The following SLC27A1 variants were observed in gnomAD, a reference collection of about 807,000 sequenced individuals.
The protein encoded by SLC27A1 is solute carrier family 27 member 1.
SLC27A1 carries 61 observed loss-of-function variants against 62.2 expected under a neutral mutation model. That is an observed-to-expected ratio of 0.98 (90% confidence interval 0.80 to 1.21). The LOEUF is 1.21. Ranked by LOEUF, SLC27A1 falls within the 50% of genes most tolerant of loss-of-function variation. SLC27A1 has a pLI of 0.00. For synonymous variants in SLC27A1, 435 were observed against 408.6 expected (o/e 1.06, Z -0.78); for missense variants, 903 against 932.1 (o/e 0.97, Z 0.41).
intron 1 of SLC27A1, among the ~76,000 whole-genome samples, chr19:17,483,087 AAGGAGGGAATGAATGAATGAG>A (rs1599648168): frequency 1.3e-5 from 2 of 152,278 alleles, no homozygotes; most frequent in African/African-American, 2.4e-5. Flanking sequence ...TGAATGAGGG[AAGGAGGGAATGAATGAATGAG>A]GGAATGAGGG....
intron 1 of SLC27A1, among the ~76,000 whole-genome samples, chr19:17,477,976 A>C (rs1330592881): frequency 1.3e-5 from 2 of 152,092 alleles, no homozygotes; most frequent in Non-Finnish European, 2.9e-5. Flanking sequence ...GGCCTCCCAG[A>C]GTGCTGGAAT....
At position 17,497,373 on chromosome 19, in the gene SLC27A1, A is replaced by G; in HGVS notation, c.1115A>G (p.Glu372Gly). The change falls in exon 7 of 12, where the codon GAG becomes GGG. Residue 372 changes from glutamate (E) to glycine (G), a missense_variant. Coordinates refer to ENST00000252595, the MANE Select transcript of SLC27A1 (RefSeq NM_198580.3). ...AACGGGCTGCGTCCTGCCATCTGGG[A>G]GGAGTTCACGGAGCGCTTCGGCGTA... ...VGNGLRPAIWEEFTERFGVRQ... is the reference protein window; with the variant it reads ...VGNGLRPAIWGEFTERFGVRQ... 6.2e-7 allele frequency: 1 copy of G among 1,602,806 alleles called. No homozygotes were observed. Among genetic ancestry groups the G allele is most frequent in the African/African-American group, 1.4e-5 (1 of 74,042 alleles).
intron 6 of SLC27A1, chr19:17,496,033 GGA>G (rs1347731849): frequency 6.5e-6 from 1 of 153,492 alleles, no homozygotes; most frequent in South Asian, 2.0e-4. Context: ...GGAGATGGAG[GGA>G]GAGGAGGCAG....
Position 17,500,799 on chromosome 19 carries a change from C to G in SLC27A1, c.1559C>G (p.Ser520Cys), listed in dbSNP as rs752637196. The G allele has an allele frequency of 8.7e-6, 14 of 1,612,510 alleles. No individual in the cohort carries two copies. Among genetic ancestry groups the G allele is most frequent in the Non-Finnish European group, 1.1e-5 (13 of 1,179,652 alleles). The change falls in exon 10 of 12, where the codon TCC becomes TGC. Residue 520 changes from serine to cysteine, a missense_variant. By Grantham distance (112) the Ser-to-Cys change is moderately radical. Coordinates refer to ENST00000252595, the MANE Select transcript of SLC27A1 (RefSeq NM_198580.3). The part of the protein sequence containing the change: ...DTFRWRGENV[S>C]TTEVEGVLSR... ...TTCCGCTGGCGAGGGGAGAACGTCTCCACCACCGAGGTGGAGGGCGTGCTG... is the reference window on the plus strand; with the variant it reads ...TTCCGCTGGCGAGGGGAGAACGTCTGCACCACCGAGGTGGAGGGCGTGCTG...
Position 17,504,577 on chromosome 19 carries a change from T to C in SLC27A1, c.1906T>C (p.Tyr636His). The change falls in exon 12 of 12, where the codon TAC becomes CAC. Residue 636 changes from tyrosine (Y) to histidine (H), a missense_variant. Physicochemically the swap from Tyr to His is moderately conservative, Grantham distance 83. Transcript: ENST00000252595. ...CTACCTGCCCTTAAATGAGGCAGTC[T>C]ACACTCGCATCTGCTCGGGCGCCTT... ...GHYLPLNEAV[Y>H]TRICSGAFAL 1.2e-6 allele frequency: 2 copies of C among 1,614,208 alleles called. No individual in the cohort carries two copies. The highest frequency in any genetic ancestry group is 1.7e-6 in the Non-Finnish European group (2 of 1,180,044).
rs182010003 is a variant in SLC27A1 at position 17,501,914 on chromosome 19, C to A, written c.1783+495C>A. 8.6e-3 allele frequency among the ~76,000 whole-genome samples: 1,309 copies of A among 151,592 alleles called. 7 individuals carry two copies. The highest frequency in any genetic ancestry group is 0.024 in the Middle Eastern group (7 of 290). ...ATCACCTGAGGTCAGGAGTTCGAGA[C>A]CAGCCTGGCCAACATGGTGAAACTG... On this transcript the variant is annotated intron_variant, in intron 11 of 11. Coordinates refer to ENST00000252595, the MANE Select transcript of SLC27A1 (RefSeq NM_198580.3).
chr19:17,488,679 C>A (rs1209996226), intron 4 of SLC27A1, 169 bp from the exon 5 acceptor site: 1 of 639,852 alleles, frequency 1.6e-6, no homozygotes, highest in East Asian at 2.7e-5. Flanking sequence ...CTCGTGACAC[C>A]TAACACCACC....
chr19:17,472,692 A>G (rs541315718), intron 1 of SLC27A1, among the ~76,000 whole-genome samples: 2 of 151,908 alleles, frequency 1.3e-5, no homozygotes, highest in African/African-American at 4.8e-5. Context: ...ATGCCCAGCT[A>G]ATTTTTGTAA....
At chr19:17,492,110 G>A (rs763696638) in intron 6 of SLC27A1, among the ~76,000 whole-genome samples, 1 of 152,130 alleles carries the variant, frequency 6.6e-6, no homozygotes, top group Non-Finnish European at 1.5e-5. Context: ...CCAGATGCCA[G>A]TAGCAGTCCC....
At chr19:17,489,225 A>G in intron 6 of SLC27A1, 108 bp downstream of exon 6, 3 of 874,076 alleles carry the variant, frequency 3.4e-6, no homozygotes, top group East Asian at 2.6e-5. Context: ...CTCCCAGCAA[A>G]GCCCCACCTC....
At chr19:17,478,459 T>C (rs1402085115) in intron 1 of SLC27A1, among the ~76,000 whole-genome samples, 1 of 95,770 alleles carries the variant, frequency 1.0e-5, no homozygotes, top group African/African-American at 4.2e-5. Context: ...AGAGCAAGAC[T>C]CCGTCTCAAA....
chr19:17,475,471 G>C (rs2075113736), intron 1 of SLC27A1, among the ~76,000 whole-genome samples: 1 of 152,100 alleles, frequency 6.6e-6, no homozygotes, highest in Admixed American at 6.6e-5. Flanking sequence ...GGAGGTCAAG[G>C]CTGCAGTGAG....
intron 1 of SLC27A1, among the ~76,000 whole-genome samples, chr19:17,471,820 C>T (rs1479444108): frequency 6.6e-6 from 1 of 152,176 alleles, no homozygotes; most frequent in Non-Finnish European, 1.5e-5. Flanking sequence ...GGAAATCTGA[C>T]TGTGCCCTCT....
At chr19:17,469,919 A>G (rs1315352952), upstream of SLC27A1, among the ~76,000 whole-genome samples, 1 of 71,948 alleles carries the variant, frequency 1.4e-5, no homozygotes, top group African/African-American at 5.7e-5. Flanking sequence ...GTGGGGAGGC[A>G]TATGTCTAAC....
intron 10 of SLC27A1, 111 bp from the exon 11 acceptor site, chr19:17,501,162 T>A (rs1024074517): frequency 4.2e-6 from 6 of 1,441,842 alleles, no homozygotes; most frequent in Non-Finnish European, 5.6e-6. Context: ...TCATCCCAGG[T>A]TGGGAGAGAC....
chr19:17,470,464 G>A, upstream of SLC27A1: 2 of 1,403,946 alleles, frequency 1.4e-6, no homozygotes, highest in Admixed American at 3.2e-5. Flanking sequence ...GTAGAGGCGG[G>A]GGCGGTCGTG....
chr19:17,500,987 T>A, intron 10 of SLC27A1, 111 bp downstream of exon 10: 1 of 1,261,900 alleles, frequency 7.9e-7, no homozygotes. Context: ...GGACAACTGC[T>A]CATGGCAGCC....
intron 1 of SLC27A1, among the ~76,000 whole-genome samples, chr19:17,477,881 A>G (rs530184784): frequency 2.0e-5 from 3 of 151,978 alleles, no homozygotes; most frequent in Admixed American, 2.0e-4. Flanking sequence ...ATAAATTTAA[A>G]AAATTATTTT....
chr19:17,489,076 GC>G lies in SLC27A1; in HGVS notation c.957del (p.Ser320AlafsTer26). Reference protein sequence around the residue: ...LTVVLRKKFSASRFWDDCIKY... With the variant: ...LTVVLRKKFSXSRFWDDCIKY... ...AGTCGTCCTCCGCAAGAAATTCTCGGCCAGCCGCTTCTGGGACGACTGCATC... is the reference window on the plus strand; with the variant it reads ...AGTCGTCCTCCGCAAGAAATTCTCGGCAGCCGCTTCTGGGACGACTGCATC... On this transcript the variant is annotated frameshift_variant, in exon 6 of 12. Coordinates refer to ENST00000252595, the MANE Select transcript of SLC27A1 (RefSeq NM_198580.3). LOFTEE classifies it high-confidence loss of function. The G allele has an allele frequency of 1.2e-6, 2 of 1,613,958 alleles. No individual in the cohort carries two copies. Among genetic ancestry groups the G allele is most frequent in the Non-Finnish European group, 1.7e-6 (2 of 1,180,004 alleles).
Sources: allele counts gnomAD v4.1 joint callset (sites outside exome capture counted in the v4.1 genomes callset), GRCh38; gene constraint gnomAD v4.1.1; transcripts MANE v1.5; gene names NCBI Gene and HGNC (gene_info 2026-07-23, HGNC 2026-07-21).